Variants in CUL1 observed in about 807,000 individuals in gnomAD.
CUL1 encodes cullin-1.
CUL1 carries 24 observed loss-of-function variants against 118.0 expected under a neutral mutation model. That is an observed-to-expected ratio of 0.20 (90% confidence interval 0.15 to 0.29). The LOEUF (loss-of-function observed/expected upper bound fraction) is 0.29. Among genes scored for constraint, CUL1 ranks in the 10% least tolerant of loss-of-function variants. The pLI is 1.00. For missense variants in CUL1, 361 were observed against 933.8 expected (o/e 0.39, Z 7.99); for synonymous variants, 332 against 340.4 (o/e 0.98, Z 0.27).
At chr7:148,798,797 G>C in intron 20 of CUL1, 120 bp downstream of exon 20, 1 of 813,630 alleles carries the variant, frequency 1.2e-6, no homozygotes, top group Non-Finnish European at 2.1e-6. Context: ...GAATGGGTCT[G>C]TGATGGCAGA....
intron 1 of CUL1, among the ~76,000 whole-genome samples, chr7:148,718,894 GA>G (rs1209988896): frequency 6.6e-6 from 1 of 152,170 alleles, no homozygotes; most frequent in African/African-American, 2.4e-5. Flanking sequence ...ATTTGACTTG[GA>G]ATTCGTTATT....
intron 7 of CUL1, among the ~76,000 whole-genome samples, chr7:148,762,696 G>A (rs910847288): frequency 2.0e-5 from 3 of 152,112 alleles, no homozygotes; most frequent in Non-Finnish European, 4.4e-5. Flanking sequence ...GCACATCCAC[G>A]ACAGTGGCGC....
chr7:148,748,254 C>G (rs1256305033), intron 2 of CUL1, among the ~76,000 whole-genome samples: 1 of 152,002 alleles, frequency 6.6e-6, no homozygotes, highest in Non-Finnish European at 1.5e-5. Context: ...TCAGATAATA[C>G]TAGACTCAGT....
chr7:148,783,911 A>G (rs772400308), intron 10 of CUL1, 21 bp downstream of exon 10: 1 of 1,613,662 alleles, frequency 6.2e-7, no homozygotes, highest in African/African-American at 1.3e-5. Context: ...GAGGGTTGTG[A>G]CTTGCCTGTA....
chr7:148,698,803 G>A (rs1213250625), upstream of CUL1: 2 of 154,764 alleles, frequency 1.3e-5, no homozygotes, highest in African/African-American at 2.4e-5. Flanking sequence ...GGGAAGGCGA[G>A]AGGGCGGAGG....
chr7:148,749,073 A>G (rs1274807769), intron 2 of CUL1, among the ~76,000 whole-genome samples: 2 of 152,182 alleles, frequency 1.3e-5, no homozygotes, highest in Non-Finnish European at 2.9e-5. Flanking sequence ...TTAAAAAAGG[A>G]AATTACAGAG....
chr7:148,752,402 G>A (rs1799517801), intron 2 of CUL1, among the ~76,000 whole-genome samples: 1 of 152,234 alleles, frequency 6.6e-6, no homozygotes, highest in African/African-American at 2.4e-5. Context: ...ATTGTAATCT[G>A]TGATTCTCTA....
At chr7:148,789,950 C>T in intron 15 of CUL1, 124 bp downstream of exon 15, 1 of 885,848 alleles carries the variant, frequency 1.1e-6, no homozygotes, top group Non-Finnish European at 1.8e-6. Flanking sequence ...TCACGGTGAA[C>T]CATGGGGGCA....
chr7:148,714,052 A>G (rs1798134402), intron 1 of CUL1, among the ~76,000 whole-genome samples: 1 of 152,234 alleles, frequency 6.6e-6, no homozygotes, highest in Non-Finnish European at 1.5e-5. Context: ...TTAGAAGGAC[A>G]AAGATTGATC....
chr7:148,743,680 G>T (rs963070533), intron 2 of CUL1, among the ~76,000 whole-genome samples: 1 of 148,738 alleles, frequency 6.7e-6, no homozygotes, highest in South Asian at 2.1e-4. Context: ...AAGGCGGGCA[G>T]ATCGCCGGAG....
At chr7:148,793,956 G>GTAGT (rs1311169715) in intron 17 of CUL1, among the ~76,000 whole-genome samples, 1 of 152,136 alleles carries the variant, frequency 6.6e-6, no homozygotes, top group Non-Finnish European at 1.5e-5. Context: ...TGGATGTGAA[G>GTAGT]TAGTATCTTG....
intron 9 of CUL1, among the ~76,000 whole-genome samples, chr7:148,773,719 TTC>T (rs1349811784): frequency 3.3e-5 from 5 of 152,228 alleles, no homozygotes; most frequent in African/African-American, 2.4e-5. Context: ...TTCCTAGTTC[TTC>T]TGTCTTCTCT....
chr7:148,721,034 T>C (rs74414286), intron 1 of CUL1, among the ~76,000 whole-genome samples: 3,729 of 152,338 alleles, frequency 0.024, 147 homozygotes, highest in African/African-American at 0.085. Flanking sequence ...ATTCCATTCA[T>C]TTAAAACTTA....
chr7:148,712,552 G>T (rs1337368911), intron 1 of CUL1, among the ~76,000 whole-genome samples: 2 of 152,088 alleles, frequency 1.3e-5, no homozygotes, highest in African/African-American at 4.8e-5. Flanking sequence ...AAGCATGGGT[G>T]GTTTAACATT....
intron 1 of CUL1, among the ~76,000 whole-genome samples, chr7:148,727,444 C>T (rs939936216): frequency 6.6e-6 from 1 of 152,092 alleles, no homozygotes; most frequent in Non-Finnish European, 1.5e-5. Context: ...TGATTTATTC[C>T]TTCATTTATT....
intron 1 of CUL1, among the ~76,000 whole-genome samples, chr7:148,699,495 C>T (rs1488867765): frequency 6.6e-6 from 1 of 152,116 alleles, no homozygotes; most frequent in Admixed American, 6.5e-5. Context: ...CTCGCGCCCA[C>T]GCTTCTTCCC....
At chr7:148,764,652 C>T (rs1799946825) in intron 7 of CUL1, among the ~76,000 whole-genome samples, 1 of 152,176 alleles carries the variant, frequency 6.6e-6, no homozygotes, top group African/African-American at 2.4e-5. Context: ...AAAAGTGGTG[C>T]TGTTTGGTTT....
At chr7:148,762,695 C>T (rs1799872624) in intron 7 of CUL1, among the ~76,000 whole-genome samples, 1 of 152,160 alleles carries the variant, frequency 6.6e-6, no homozygotes, top group Non-Finnish European at 1.5e-5. Flanking sequence ...TGCACATCCA[C>T]GACAGTGGCG....
At chr7:148,767,477 A>T in intron 8 of CUL1, 142 bp from the exon 9 acceptor site, 2 of 712,722 alleles carry the variant, frequency 2.8e-6, no homozygotes, top group Non-Finnish European at 4.6e-6. Context: ...ATTTGGTTAT[A>T]ATTAAATGCT....
Sources: gnomAD v4.1 joint callset for allele counts (sites outside exome capture counted in the v4.1 genomes callset) on GRCh38, gnomAD v4.1.1 for gene constraint, MANE v1.5 for transcripts, NCBI Gene and HGNC (gene_info 2026-07-23, HGNC 2026-07-21) for gene names.